The following AGBL4 variants were observed in gnomAD, a reference collection of about 807,000 sequenced individuals.
The protein encoded by AGBL4 is cytosolic carboxypeptidase 6.
AGBL4 carries 58 observed loss-of-function variants against 66.4 expected under a neutral mutation model. The ratio of observed to expected loss-of-function variants is 0.87; its 90% confidence interval spans 0.71 to 1.09. The LOEUF (loss-of-function observed/expected upper bound fraction) is 1.09. Ranked by LOEUF, AGBL4 falls within the 50% of genes least tolerant of loss-of-function variation. The probability of loss-of-function intolerance (pLI) is 0.00; values close to 1 mark genes in which losing one functional copy is unlikely to be tolerated. For missense variants in AGBL4, 579 were observed against 631.0 expected (o/e 0.92, Z 0.88); for synonymous variants, 234 against 222.9 (o/e 1.05, Z -0.44).
chr1:49,553,488 T>C (rs1415891825), intron 3 of AGBL4, among the ~76,000 whole-genome samples: 1 of 152,192 alleles, frequency 6.6e-6, no homozygotes, highest in African/African-American at 2.4e-5. Context: ...TAATAGTTTT[T>C]GTTCATCTTT....
chr1:48,616,421 TAA>T (rs750828964), intron 9 of AGBL4, among the ~76,000 whole-genome samples: 2 of 152,316 alleles, frequency 1.3e-5, no homozygotes, highest in South Asian at 4.2e-4. Context: ...ATACAACCAG[TAA>T]GCATAATTGG....
intron 3 of AGBL4, among the ~76,000 whole-genome samples, chr1:49,450,365 G>A (rs960466415): frequency 3.3e-5 from 5 of 152,052 alleles, no homozygotes; most frequent in African/African-American, 1.2e-4. Flanking sequence ...GCTCAGAACA[G>A]AACTCTTAGG....
chr1:49,684,960 T>C (rs1202618714), intron 3 of AGBL4, among the ~76,000 whole-genome samples: 1 of 152,304 alleles, frequency 6.6e-6, no homozygotes, highest in East Asian at 1.9e-4. Flanking sequence ...GTTACATGGG[T>C]AAATTGCATG....
chr1:49,944,824 A>C (rs1304255053), intron 1 of AGBL4, among the ~76,000 whole-genome samples: 1 of 151,998 alleles, frequency 6.6e-6, no homozygotes, highest in Non-Finnish European at 1.5e-5. Context: ...TCATACAAGA[A>C]ATGAGGGGAG....
intron 5 of AGBL4, among the ~76,000 whole-genome samples, chr1:48,933,899 A>G (rs1655241554): frequency 6.6e-6 from 1 of 152,184 alleles, no homozygotes; most frequent in Non-Finnish European, 1.5e-5. Flanking sequence ...TGCCCTGTAT[A>G]GTCCCAAGGC....
At chr1:49,344,084 C>A (rs1645592568) in intron 3 of AGBL4, among the ~76,000 whole-genome samples, 1 of 152,258 alleles carries the variant, frequency 6.6e-6, no homozygotes, top group Admixed American at 6.5e-5. Context: ...GTTAGCCATG[C>A]TTCCTGGCTA....
chr1:49,517,530 G>A (rs906185120), intron 3 of AGBL4, among the ~76,000 whole-genome samples: 2 of 151,858 alleles, frequency 1.3e-5, no homozygotes, highest in Admixed American at 1.3e-4. Flanking sequence ...GAGAATGAGG[G>A]TCATTTATTC....
At chr1:49,007,593 C>A (rs1222048739) in intron 5 of AGBL4, among the ~76,000 whole-genome samples, 8 of 151,794 alleles carry the variant, frequency 5.3e-5, no homozygotes, top group Admixed American at 2.6e-4. Context: ...ACCAAAGTTG[C>A]AATGAAGGAA....
chr1:49,947,512 G>A (rs540675974), intron 1 of AGBL4, among the ~76,000 whole-genome samples: 28 of 151,326 alleles, frequency 1.9e-4, no homozygotes, highest in Non-Finnish European at 3.1e-4. Context: ...ATTAAAACTC[G>A]CAGCAAAATC....
Position 49,099,721 on chromosome 1 carries a change from G to A in AGBL4, c.378-53921C>T, listed in dbSNP as rs12059043. Among the ~76,000 whole-genome samples, 994 of 152,194 alleles carry A rather than the reference G, an allele frequency of 6.5e-3. 20 individuals are homozygous for A. Among genetic ancestry groups the A allele is most frequent in the African/African-American group, 0.022 (918 of 41,534 alleles). On this transcript the variant is annotated intron_variant, in intron 4 of 13. Transcript: ENST00000371839. ...ATACCTTCAGAGCAAAAGTGGGTCTGATTTGATTCTATATCCCTAGGGTCT... is the reference window on the plus strand; with the variant it reads ...ATACCTTCAGAGCAAAAGTGGGTCTAATTTGATTCTATATCCCTAGGGTCT...
At chr1:48,742,512 C>T in intron 6 of AGBL4, 1 of 1,171,914 alleles carries the variant, frequency 8.5e-7, no homozygotes. Flanking sequence ...CAGGGCTAGG[C>T]CAGGAGGCCA....
At chr1:49,412,464 T>C (rs1369386246) in intron 3 of AGBL4, among the ~76,000 whole-genome samples, 1 of 152,162 alleles carries the variant, frequency 6.6e-6, no homozygotes, top group Non-Finnish European at 1.5e-5. Flanking sequence ...GAGGGTTAGA[T>C]TTTAATATAT....
intron 3 of AGBL4, among the ~76,000 whole-genome samples, chr1:49,618,335 G>A (rs887156548): frequency 6.6e-6 from 1 of 152,098 alleles, no homozygotes; most frequent in African/African-American, 2.4e-5. Context: ...GCCTTTACAG[G>A]AGAATGATGT....
intron 2 of AGBL4, among the ~76,000 whole-genome samples, chr1:49,834,029 T>C (rs558605734): frequency 2.0e-5 from 3 of 152,348 alleles, no homozygotes; most frequent in Non-Finnish European, 4.4e-5. Context: ...ATCAGGGATA[T>C]TGGCCTGAAA....
intron 1 of AGBL4, among the ~76,000 whole-genome samples, chr1:49,955,907 C>T (rs901336444): frequency 4.6e-5 from 7 of 151,800 alleles, no homozygotes; most frequent in African/African-American, 1.5e-4. Context: ...ATTATTTATT[C>T]CCATTAGACA....
intron 6 of AGBL4, among the ~76,000 whole-genome samples, chr1:48,695,794 C>T (rs561685900): frequency 4.5e-4 from 68 of 152,248 alleles, no homozygotes; most frequent in African/African-American, 1.6e-3. Context: ...AAGCCACATC[C>T]CCAAGGTGCT....
intron 2 of AGBL4, among the ~76,000 whole-genome samples, chr1:49,747,513 C>T (rs1651079945): frequency 1.3e-5 from 2 of 152,190 alleles, no homozygotes; most frequent in Admixed American, 6.5e-5. Context: ...CAGGTTAAAA[C>T]TATTTAATAA....
intron 1 of AGBL4, among the ~76,000 whole-genome samples, chr1:50,010,648 C>G (rs1224331838): frequency 1.3e-5 from 2 of 152,014 alleles, no homozygotes. Context: ...GAATAGAGAA[C>G]CCAGAAACAA....
At chr1:49,767,150 A>G (rs550962117) in intron 2 of AGBL4, among the ~76,000 whole-genome samples, 1 of 152,290 alleles carries the variant, frequency 6.6e-6, no homozygotes, top group South Asian at 2.1e-4. Context: ...ACCAAAGAAT[A>G]TACATCCTTC....
Sources: allele counts gnomAD v4.1 joint callset (sites outside exome capture counted in the v4.1 genomes callset), GRCh38; gene constraint gnomAD v4.1.1; transcripts MANE v1.5; gene names NCBI Gene and HGNC (gene_info 2026-07-23, HGNC 2026-07-21).